Variants in ENTR1 observed in about 807,000 individuals in gnomAD.
ENTR1 encodes endosome-associated-trafficking regulator 1.
A neutral mutation model predicts 47.9 loss-of-function variants in ENTR1; 47 were observed. The ratio of observed to expected loss-of-function variants is 0.98; its 90% CI spans 0.78 to 1.25. The LOEUF (loss-of-function observed/expected upper bound fraction) is 1.25, where lower values mean the gene tolerates loss of function less well. Among genes scored for constraint, ENTR1 ranks in the 50% most tolerant of loss-of-function variants. The pLI is 0.00. For missense variants in ENTR1, 668 were observed against 570.5 expected, an observed-to-expected ratio of 1.17 and a Z score of -1.74; for synonymous variants, 290 against 245.8, an observed-to-expected ratio of 1.18 and a Z score of -1.68.
At position 136,403,286 on chromosome 9, in the gene ENTR1, AGAAG is replaced by A. The variant is rs1564404100; in HGVS notation, c.1209-403_1209-400del. 4.3e-3 allele frequency among the ~76,000 whole-genome samples: 333 copies of A among 77,612 alleles called. 4 individuals are homozygous for A. The highest frequency in any genetic ancestry group is 0.023 in the East Asian group (37 of 1,584). 50.9% of individuals were successfully genotyped at this position (77,612 alleles called of 152,430 possible). A position where few individuals can be genotyped will look rare whatever the true frequency, so the allele number is the denominator to read the frequency against. On this transcript the variant is annotated intron_variant, in intron 9 of 9. Transcript: ENST00000357365. ...GGGACAGAATTCTGGGGGGAGAAAC[AGAAG>A]GGGTCCCAGGGAGCAAGGGGTGGGG...
chr9:136,407,108 A>G, intron 5 of ENTR1, 37 bp downstream of exon 5: 1 of 1,545,392 alleles, frequency 6.5e-7, no homozygotes, highest in Admixed American at 1.9e-5. Context: ...CCGCTCGGAC[A>G]GGCGCTGTGC....
intron 2 of ENTR1, 140 bp downstream of exon 2, chr9:136,409,950 C>T: frequency 9.6e-7 from 1 of 1,042,408 alleles, no homozygotes; most frequent in East Asian, 2.5e-5. Context: ...GGGGACTCCG[C>T]CTTTGAATTC....
chr9:136,404,261 G>A, intron 8 of ENTR1, 67 bp from the exon 9 acceptor site: 1 of 1,541,120 alleles, frequency 6.5e-7, no homozygotes. Flanking sequence ...TCACCACCTG[G>A]CGAGGCGAGG....
rs943971228 is a variant in ENTR1, at chr9:136,404,990, G to C, written c.1005+101C>G. ...CAGTCCCAGAGAGCCACATGGCCCC[G>C]CTCCCAAGGGCAGGCTGCACCGGCT... On this transcript the variant is annotated intron_variant, in intron 7 of 9. Coordinates refer to ENST00000357365, the MANE Select transcript of ENTR1 (RefSeq NM_001039707.2). 3.2e-6 allele frequency: 3 copies of C among 931,244 alleles called. No homozygotes were observed. In the African/African-American group the frequency reaches 4.9e-5, roughly 15 times the overall value. 57.7% of individuals were successfully genotyped at this position (931,244 alleles called of 1,614,324 possible).
At position 136,410,128 on chromosome 9, in the gene ENTR1, T is replaced by A. The variant is rs768639355; in HGVS notation, c.182A>T (p.Tyr61Phe). 2 of 1,612,638 alleles carry A rather than the reference T, an allele frequency of 1.2e-6. No homozygotes were observed. The highest frequency in any genetic ancestry group is 4.5e-5 in the East Asian group (2 of 44,824). ...FFGIRPAFMCYVPSPVLASVG... is the reference protein window; with the variant it reads ...FFGIRPAFMCFVPSPVLASVG... ...GGAAGCCAGCACCGGGCTGGGCACA[T>A]AGCACATAAAGGCCGGCCGAATGCC... Residue 61 changes from tyrosine to phenylalanine, a missense_variant, in exon 2 of 10, where the codon TAT becomes TTT. By Grantham distance (22) the Tyr-to-Phe change is conservative (BLOSUM62 3). Coordinates refer to ENST00000357365, the MANE Select transcript of ENTR1 (RefSeq NM_001039707.2).
chr9:136,406,464 G>A (rs1443307828), intron 5 of ENTR1, among the ~76,000 whole-genome samples: 1 of 151,772 alleles, frequency 6.6e-6, no homozygotes, highest in Middle Eastern at 3.2e-3. Context: ...GTGAGACACT[G>A]TCTCAGGAAG....
intron 9 of ENTR1, 29 bp from the exon 10 acceptor site, chr9:136,402,916 G>A (rs1289418470): frequency 6.3e-7 from 1 of 1,576,288 alleles, no homozygotes; most frequent in East Asian, 2.2e-5. Flanking sequence ...ATCAGGATGG[G>A]TGGCAGCAGC....
intron 8 of ENTR1, 66 bp from the exon 9 acceptor site, chr9:136,404,260 G>A: frequency 4.5e-6 from 7 of 1,540,988 alleles, no homozygotes; most frequent in Non-Finnish European, 6.1e-6. Context: ...GTCACCACCT[G>A]GCGAGGCGAG....
intron 7 of ENTR1, 196 bp from the exon 8 acceptor site, chr9:136,404,889 G>A: frequency 1.5e-6 from 1 of 669,378 alleles, no homozygotes; most frequent in Non-Finnish European, 2.6e-6. Flanking sequence ...TCTGTGCTCT[G>A]GCCCCCCACT....
Position 136,402,758 on chromosome 9 carries a change from G to A in ENTR1, c.*30C>T. The A allele has an allele frequency of 1.3e-6, 2 of 1,493,806 alleles. No individual in the cohort carries two copies. The highest frequency in any genetic ancestry group is 1.9e-6 in the Non-Finnish European group (2 of 1,072,696). 92.5% of individuals were successfully genotyped at this position (1,493,806 alleles called of 1,614,324 possible). ...CGGTGGTGACCTCAGGGTATACACG[G>A]AGCTTCATGCTGAGAACACCCAGGG... is the stretch of plus-strand genomic sequence containing the variant. On this transcript the variant is annotated 3_prime_UTR_variant, in exon 10 of 10. Coordinates refer to ENST00000357365, the MANE Select transcript of ENTR1 (RefSeq NM_001039707.2).
At position 136,407,537 on chromosome 9, in the gene ENTR1, G is replaced by A; in HGVS notation, c.427C>T (p.Leu143Phe). Residue 143 changes from leucine (L) to phenylalanine (F), a missense_variant, in exon 5 of 10, where the codon CTT becomes TTT. Leu to Phe is a conservative substitution (Grantham distance 22). Transcript: ENST00000357365. ...TGGGAGGGTGGGGAGTTGTGGTCAA[G>A]TCCCAGGGAATGCCTCGAGGCTTCC... ...AKEASRHSLG[L>F]DHNSPPSQTG... is the part of the protein sequence containing the mutation. 5.1e-6 allele frequency: 8 copies of A among 1,567,990 alleles called. No homozygotes were observed. The highest frequency in any genetic ancestry group is 4.4e-5 in the African/African-American group (3 of 68,372).
In ENTR1 at chr9:136,407,546, A is replaced by G. The variant is rs372129800; in HGVS notation, c.418T>C (p.Ser140Pro). The change falls in exon 5 of 10, where the codon TCC becomes CCC. Residue 140 changes from serine (S) to proline (P), a missense_variant. Ser to Pro is a moderately conservative substitution (Grantham distance 74). Coordinates refer to ENST00000357365, the MANE Select transcript of ENTR1 (RefSeq NM_001039707.2). The stretch of plus-strand genomic sequence containing the variant: ...GGGGAGTTGTGGTCAAGTCCCAGGG[A>G]ATGCCTCGAGGCTTCCTAAAAAAAA... The part of the protein sequence containing the change: ...RIYAKEASRH[S>P]LGLDHNSPPS... 5 of 1,560,012 alleles carry G rather than the reference A, an allele frequency of 3.2e-6. No homozygotes were observed. In the African/African-American group the frequency reaches 6.0e-5, roughly 19 times the overall value.
In ENTR1 at chr9:136,402,022, A is replaced by G. The variant is rs1834511560; in HGVS notation, c.*766T>C. ...TCTATAGGAAAATAGTCAAAAAAGC[A>G]TTTAGTGCTCATCGCCGTCCCTCTG... On this transcript the variant is annotated 3_prime_UTR_variant, in exon 10 of 10. Transcript: ENST00000357365. 6.6e-6 allele frequency: 1 copy of G among 152,600 alleles called. No individual in the cohort carries two copies. The highest frequency in any genetic ancestry group is 6.5e-5 in the Admixed American group (1 of 15,286). 9.5% of individuals were successfully genotyped at this position (152,600 alleles called of 1,614,324 possible). A position where few individuals can be genotyped will look rare whatever the true frequency, so the allele number is the denominator to read the frequency against.
Position 136,410,432 on chromosome 9 carries a change from C to T in ENTR1, c.-35G>A. 1 of 1,200,316 alleles carries T rather than the reference C, an allele frequency of 8.3e-7. No homozygotes were observed. Among genetic ancestry groups the T allele is most frequent in the Non-Finnish European group, 1.0e-6 (1 of 966,918 alleles). 74.4% of individuals were successfully genotyped at this position (1,200,316 alleles called of 1,614,324 possible). The stretch of plus-strand genomic sequence containing the variant: ...CCCGGCGGGGCACGACCTGCCTAGC[C>T]CGGCAGCGGCGGCTCCATGGCCCCG... On this transcript the variant is annotated 5_prime_UTR_variant, in exon 1 of 10. Transcript: ENST00000357365.
intron 9 of ENTR1, 32 bp from the exon 10 acceptor site, chr9:136,402,919 G>A: frequency 1.3e-6 from 2 of 1,525,478 alleles, no homozygotes; most frequent in Non-Finnish European, 1.8e-6. Flanking sequence ...AGGATGGGTG[G>A]CAGCAGCTAC....
chr9:136,407,471 C>T lies in ENTR1; in HGVS notation c.493G>A (p.Glu165Lys), dbSNP rs566507963. The T allele has an allele frequency of 5.2e-5, 83 of 1,609,706 alleles. 1 individual carries two copies. The highest frequency in any genetic ancestry group is 7.7e-5 in the South Asian group (7 of 90,806). The change falls in exon 5 of 10, where the codon GAG (glutamate) becomes AAG (lysine). Residue 165 changes from glutamate to lysine, a missense_variant. Transcript: ENST00000357365. ...AGGTCACCAGCCCCTGTCGGATCCTCGAAAAATGGCTGCTGATACTCCAGG... is the reference window on the plus strand; with the variant it reads ...AGGTCACCAGCCCCTGTCGGATCCTTGAAAAATGGCTGCTGATACTCCAGG... ...YGLEYQQPFFEDPTGAGDLLD... is the reference protein window; with the variant it reads ...YGLEYQQPFFKDPTGAGDLLD...
intron 7 of ENTR1, 64 bp from the exon 8 acceptor site, chr9:136,404,757 C>T (rs1309995907): frequency 1.5e-5 from 24 of 1,565,372 alleles, no homozygotes; most frequent in East Asian, 6.7e-5. Flanking sequence ...ATACCGGACA[C>T]GGGCCCCAAC....
In ENTR1 at chr9:136,409,168, TCA is replaced by T; in HGVS notation, c.221-103_221-102del. On this transcript the variant is annotated intron_variant, in intron 2 of 9. Transcript: ENST00000357365. The stretch of plus-strand genomic sequence containing the variant: ...CATGGAGTCTCCACTGCAGTGGTTC[TCA>T]CAGTCTAGAGAACTTTTTTTTTTTT... 5 of 948,676 alleles carry T rather than the reference TCA, an allele frequency of 5.3e-6. No homozygotes were observed. In the Admixed American group the frequency reaches 5.9e-5, roughly 11 times the overall value. The allele number at this position is 948,676 out of a possible 1,614,324, so 58.8% of individuals were successfully genotyped here.
chr9:136,406,905 G>C (rs531003378), intron 5 of ENTR1: 10 of 502,616 alleles, frequency 2.0e-5, no homozygotes, highest in East Asian at 3.2e-5. Context: ...GTACAGCCCT[G>C]TAAGTGCCCA....
Sources: gnomAD v4.1 joint callset for allele counts (sites outside exome capture counted in the v4.1 genomes callset) on GRCh38, gnomAD v4.1.1 for gene constraint, MANE v1.5 for transcripts, NCBI Gene and HGNC (gene_info 2026-07-23, HGNC 2026-07-21) for gene names.